BTBD6: variants seen among roughly 807,000 people sequenced by gnomAD.
BTBD6 encodes the protein BTB/POZ domain-containing protein 6.
BTBD6 carries 30 observed loss-of-function variants against 40.6 expected under a neutral mutation model. The observed-to-expected ratio is 0.74, with a 90% confidence interval of 0.55 to 1.00. The LOEUF (loss-of-function observed/expected upper bound fraction) is 1.00. Among genes scored for constraint, BTBD6 ranks in the 50% least tolerant of loss-of-function variants. The probability of loss-of-function intolerance (pLI) is 0.00; values close to 1 mark genes in which losing one functional copy is unlikely to be tolerated. For synonymous variants in BTBD6, 378 were observed against 308.7 expected, an observed-to-expected ratio of 1.22 and a Z score of -2.35; for missense variants, 698 against 694.6, an observed-to-expected ratio of 1.00 and a Z score of -0.06.
chr14:105,248,973 CCCAGCGCCCCCGCG>C lies in BTBD6; in HGVS notation c.271_284del (p.Pro91AlafsTer84). 2.0e-6 allele frequency: 2 copies of C among 982,912 alleles called. No homozygotes were observed. Among genetic ancestry groups the C allele is most frequent in the Non-Finnish European group, 2.4e-6 (2 of 829,448 alleles). 60.9% of individuals were successfully genotyped at this position (982,912 alleles called of 1,614,324 possible). On this transcript the variant is annotated frameshift_variant, in exon 1 of 4. Transcript: ENST00000392554. LOFTEE classifies it high-confidence loss of function. ...CAGGAAGGCCGGGCCGCGCAGCCCG[CCCAGCGCCCCCGCG>C]CCAGCGCCGCCGCCGCCCGCGCCCG...
In BTBD6 at chr14:105,250,509, C is replaced by G. The variant is rs1212627762; in HGVS notation, c.1454C>G (p.Ala485Gly). The G allele has an allele frequency of 6.2e-7, 1 of 1,613,954 alleles. No individual in the cohort carries two copies. Among genetic ancestry groups the G allele is most frequent in the Non-Finnish European group, 8.5e-7 (1 of 1,180,044 alleles). The change falls in exon 4 of 4, where the codon GCC becomes GGC. Residue 485 changes from alanine to glycine, a missense_variant. Coordinates refer to ENST00000392554, the MANE Select transcript of BTBD6 (RefSeq NM_001387567.1). ...GTTGAACAAGACACCTTCTACACGG[C>G]CAGTGCCGTCCTGGACGGCAGCGAA... The part of the protein sequence containing the change: ...VQVEQDTFYT[A>G]SAVLDGSELS...
In BTBD6 at chr14:105,251,029, T is replaced by C; in HGVS notation, c.*357T>C. 3.9e-6 allele frequency: 1 copy of C among 254,314 alleles called. No homozygotes were observed. Among genetic ancestry groups the C allele is most frequent in the African/African-American group, 2.2e-5 (1 of 44,960 alleles). The allele number at this position is 254,314 out of a possible 1,614,324, so 15.8% of individuals were successfully genotyped here. ...CTTAACTTGAGACCTTCCCTTCAAA[T>C]CTAAAATTGGCAAAAAGTCACTTAA... On this transcript the variant is annotated 3_prime_UTR_variant, in exon 4 of 4. Coordinates refer to ENST00000392554, the MANE Select transcript of BTBD6 (RefSeq NM_001387567.1).
Position 105,250,633 on chromosome 14 carries a change from C to T in BTBD6, c.1578C>T (p.Val526=), listed in dbSNP as rs1566836939. The stretch of plus-strand genomic sequence containing the variant: ...CGGACAGCACCAACGGGACTGGGGT[C>T]CAGGGTGGGCAGATCCCTGAGCTCA... ...CSSDSTNGTG[V]QGGQIPELIF... Residue 526 remains valine (V), a synonymous_variant, in exon 4 of 4, where the codon GTC becomes GTT. Transcript: ENST00000392554. 1.2e-6 allele frequency: 2 copies of T among 1,613,124 alleles called. No individual in the cohort carries two copies. The highest frequency in any genetic ancestry group is 1.7e-6 in the Non-Finnish European group (2 of 1,179,676).
Position 105,250,311 on chromosome 14 carries a change from G to C in BTBD6, c.1256G>C (p.Arg419Thr), listed in dbSNP as rs368571131. The C allele has an allele frequency of 1.2e-6, 2 of 1,613,282 alleles. No homozygotes were observed. The highest frequency in any genetic ancestry group is 1.7e-6 in the Non-Finnish European group (2 of 1,180,044). The change falls in exon 4 of 4, where the codon AGA becomes ACA. Residue 419 changes from arginine (R) to threonine (T), a missense_variant. By Grantham distance (71) the Arg-to-Thr change is moderately conservative. Coordinates refer to ENST00000392554, the MANE Select transcript of BTBD6 (RefSeq NM_001387567.1). The stretch of plus-strand genomic sequence containing the variant: ...GACAGCATCCAGTTTGCAGTGGACA[G>C]AAGGGTATTTATTGCAGGGCTGGGC... ...RCDSIQFAVDRRVFIAGLGLY... is the reference protein window; with the variant it reads ...RCDSIQFAVDTRVFIAGLGLY...
At position 105,248,700 on chromosome 14, in the gene BTBD6, C is replaced by A. The variant is rs2055337651; in HGVS notation, c.-12C>A. ...GGTGGCAGCCCCGCGGGTCACAGCG[C>A]CGCCGCCGCCCATGCTGCTGCCCCT... On this transcript the variant is annotated 5_prime_UTR_variant, in exon 1 of 4. Transcript: ENST00000392554. 1.0e-6 allele frequency: 1 copy of A among 982,258 alleles called. No homozygotes were observed. Among genetic ancestry groups the A allele is most frequent in the Non-Finnish European group, 1.2e-6 (1 of 829,214 alleles). 60.8% of individuals were successfully genotyped at this position (982,258 alleles called of 1,614,324 possible).
rs1290360236 is a variant in BTBD6, at chr14:105,248,657, G to A, written c.-55G>A. 4 of 980,834 alleles carry A rather than the reference G, an allele frequency of 4.1e-6. No individual in the cohort carries two copies. The highest frequency in any genetic ancestry group is 5.2e-4 in the Middle Eastern group (1 of 1,938). The allele number at this position is 980,834 out of a possible 1,614,324, so 60.8% of individuals were successfully genotyped here. A position where few individuals can be genotyped will look rare whatever the true frequency, so the allele number is the denominator to read the frequency against. ...TGGGCTCGGGCAGGGTCGCAGGGGC[G>A]GGGGTGGCAGGGGAGCGGGTGGCAG... On this transcript the variant is annotated 5_prime_UTR_variant, in exon 1 of 4. Coordinates refer to ENST00000392554, the MANE Select transcript of BTBD6 (RefSeq NM_001387567.1).
chr14:105,249,128 GC>G, intron 1 of BTBD6, 28 bp from the exon 2 acceptor site: 1 of 1,525,086 alleles, frequency 6.6e-7, no homozygotes, highest in East Asian at 2.6e-5. Flanking sequence ...GCGCGCCCAC[GC>G]CCCCAGCCCG....
In BTBD6 at chr14:105,249,693, T is replaced by C. The variant is rs1394175471; in HGVS notation, c.638T>C (p.Leu213Pro). The C allele has an allele frequency of 6.2e-7, 1 of 1,613,624 alleles. No homozygotes were observed. Among genetic ancestry groups the C allele is most frequent in the East Asian group, 2.2e-5 (1 of 44,898 alleles). Reference sequence around the variant, plus strand: ...GAAGCCGACACGGTGCTGGCCACTCTGTACGCTGCTAAGAAGTACATCGTC... The same window carrying C: ...GAAGCCGACACGGTGCTGGCCACTCCGTACGCTGCTAAGAAGTACATCGTC... ...DLEADTVLAT[L>P]YAAKKYIVPA... The change falls in exon 4 of 4, where the codon CTG (leucine) becomes CCG (proline). Residue 213 changes from leucine (L) to proline (P), a missense_variant. Transcript: ENST00000392554.
At chr14:105,249,338 C>T (rs749164587) in intron 2 of BTBD6, 22 bp from the exon 3 acceptor site, 21 of 1,603,390 alleles carry the variant, frequency 1.3e-5, no homozygotes, top group Non-Finnish European at 1.6e-5. Flanking sequence ...GCCAGGCTCA[C>T]GGCGGCGCTT....
In BTBD6 at chr14:105,250,781, CAT is replaced by C; in HGVS notation, c.*110_*111del. 8.5e-7 allele frequency: 1 copy of C among 1,178,302 alleles called. No individual in the cohort carries two copies. The highest frequency in any genetic ancestry group is 1.2e-6 in the Non-Finnish European group (1 of 842,016). The allele number at this position is 1,178,302 out of a possible 1,614,324, so 73.0% of individuals were successfully genotyped here. ...TGCTCTTAACTTTGTCTCTCTTTGA[CAT>C]GTAGTCAGCTGAAGCTTGACTGTGT... On this transcript the variant is annotated 3_prime_UTR_variant, in exon 4 of 4. Transcript: ENST00000392554.
Position 105,248,945 on chromosome 14 carries a change from G to C in BTBD6, c.234G>C (p.Val78=), listed in dbSNP as rs1286243917. The C allele has an allele frequency of 4.4e-5, 43 of 983,828 alleles. No homozygotes were observed. The highest frequency in any genetic ancestry group is 5.1e-5 in the Non-Finnish European group (42 of 830,550). 60.9% of individuals were successfully genotyped at this position (983,828 alleles called of 1,614,324 possible). ...DLANSNAGAA[V]GRKAGPRSPP... ...CCAACAGCAACGCCGGCGCCGCCGTGGGCAGGAAGGCCGGGCCGCGCAGCC... is the reference window on the plus strand; with the variant it reads ...CCAACAGCAACGCCGGCGCCGCCGTCGGCAGGAAGGCCGGGCCGCGCAGCC... Residue 78 remains valine (V), a synonymous_variant, in exon 1 of 4, where the codon GTG becomes GTC. Coordinates refer to ENST00000392554, the MANE Select transcript of BTBD6 (RefSeq NM_001387567.1).
In BTBD6 at chr14:105,250,013, A is replaced by G; in HGVS notation, c.958A>G (p.Ile320Val). 1 of 1,612,886 alleles carries G rather than the reference A, an allele frequency of 6.2e-7. No homozygotes were observed. The highest frequency in any genetic ancestry group is 2.2e-5 in the East Asian group (1 of 44,884). Residue 320 changes from isoleucine (I) to valine (V), a missense_variant, in exon 4 of 4, where the codon ATC becomes GTC. Ile to Val is a conservative substitution (Grantham distance 29, BLOSUM62 3). Transcript: ENST00000392554. Reference sequence around the variant, plus strand: ...GGAGTGCAAGAGGCAGGGGCTGCCAATCACCCCACGAAACAAGAGGCATGT... The same window carrying G: ...GGAGTGCAAGAGGCAGGGGCTGCCAGTCACCCCACGAAACAAGAGGCATGT... The part of the protein sequence containing the change: ...EAECKRQGLP[I>V]TPRNKRHVLG...
Position 105,250,178 on chromosome 14 carries a change from C to T in BTBD6, c.1123C>T (p.Arg375Cys), listed in dbSNP as rs140025030. The change falls in exon 4 of 4, where the codon CGC becomes TGC. Residue 375 changes from arginine (R) to cysteine (C), a missense_variant. Transcript: ENST00000392554. ...FLWYTATNKPRLDFPLTKRKG... is the reference protein window; with the variant it reads ...FLWYTATNKPCLDFPLTKRKG... ...GTGGTACACGGCCACCAACAAGCCCCGCCTGGACTTTCCCCTGACCAAGAG... is the reference window on the plus strand; with the variant it reads ...GTGGTACACGGCCACCAACAAGCCCTGCCTGGACTTTCCCCTGACCAAGAG... 1.2e-5 allele frequency: 20 copies of T among 1,612,900 alleles called. No homozygotes were observed. The highest frequency in any genetic ancestry group is 5.3e-5 in the African/African-American group (4 of 74,936).
At position 105,248,847 on chromosome 14, in the gene BTBD6, GC is replaced by G; in HGVS notation, c.141del (p.Ala48ProfsTer22). 4.0e-6 allele frequency: 4 copies of G among 990,400 alleles called. No individual in the cohort carries two copies. Among genetic ancestry groups the G allele is most frequent in the Non-Finnish European group, 2.4e-6 (2 of 834,544 alleles). 61.4% of individuals were successfully genotyped at this position (990,400 alleles called of 1,614,324 possible). ...CGCGGCGTCCACAGGCGCCGAGGCTGCCCCCGCCGCCCCGCCCGCGAAGATG... is the reference window on the plus strand; with the variant it reads ...CGCGGCGTCCACAGGCGCCGAGGCTGCCCCGCCGCCCCGCCCGCGAAGATG... Reference protein sequence around the residue: ...RGAASTGAEAAPAAPPAKMAA... With the variant: ...RGAASTGAEAXPAAPPAKMAA... On this transcript the variant is annotated frameshift_variant, in exon 1 of 4. Transcript: ENST00000392554. LOFTEE classifies it high-confidence loss of function.
chr14:105,250,004 G>A lies in BTBD6; in HGVS notation c.949G>A (p.Gly317Arg). ...NWAEAECKRQGLPITPRNKRH... is the reference protein window; with the variant it reads ...NWAEAECKRQRLPITPRNKRH... ...GGCCGAGGCGGAGTGCAAGAGGCAG[G>A]GGCTGCCAATCACCCCACGAAACAA... Residue 317 changes from glycine to arginine, a missense_variant, in exon 4 of 4, where the codon GGG (glycine) becomes AGG (arginine). Gly to Arg is a moderately radical substitution (Grantham distance 125). Transcript: ENST00000392554. 1 of 1,612,836 alleles carries A rather than the reference G, an allele frequency of 6.2e-7. No homozygotes were observed. Among genetic ancestry groups the A allele is most frequent in the Non-Finnish European group, 8.5e-7 (1 of 1,180,036 alleles).
rs759463644 is a variant in BTBD6 at position 105,249,353 on chromosome 14, C to G, written c.466-7C>G. 1 of 1,609,334 alleles carries G rather than the reference C, an allele frequency of 6.2e-7. No homozygotes were observed. The highest frequency in any genetic ancestry group is 8.5e-7 in the Non-Finnish European group (1 of 1,178,374). Reference sequence around the variant, plus strand: ...GCCAGGCTCACGGCGGCGCTTTCTCCTCCCAGTACGTCTTGGCTGTCGGCA... The same window carrying G: ...GCCAGGCTCACGGCGGCGCTTTCTCGTCCCAGTACGTCTTGGCTGTCGGCA... On this transcript the variant is annotated splice_region_variant and splice_polypyrimidine_tract_variant and intron_variant, in intron 2 of 3. Coordinates refer to ENST00000392554, the MANE Select transcript of BTBD6 (RefSeq NM_001387567.1).
rs1461651451 is a variant in BTBD6 at position 105,248,557 on chromosome 14, G to GCGGGTACGGGTA, written c.-145_-144insTACGGGTACGGG. 8 of 920,566 alleles carry GCGGGTACGGGTA rather than the reference G, an allele frequency of 8.7e-6. No individual in the cohort carries two copies. Among genetic ancestry groups the GCGGGTACGGGTA allele is most frequent in the East Asian group, 1.4e-4 (1 of 7,088 alleles). The allele number at this position is 920,566 out of a possible 1,614,324, so 57.0% of individuals were successfully genotyped here. A position where few individuals can be genotyped will look rare whatever the true frequency, so the allele number is the denominator to read the frequency against. On this transcript the variant is annotated 5_prime_UTR_variant, in exon 1 of 4. Coordinates refer to ENST00000392554, the MANE Select transcript of BTBD6 (RefSeq NM_001387567.1). Reference sequence around the variant, plus strand: ...CGCAGCGTGACGCACCGGCGCCGCGGCGGGTACGGGCTCGGGCGGGCGGGC... The same window carrying GCGGGTACGGGTA: ...CGCAGCGTGACGCACCGGCGCCGCGGCGGGTACGGGTACGGGTACGGGCTCGGGCGGGCGGGC...
At position 105,248,545 on chromosome 14, in the gene BTBD6, AC is replaced by A. The variant is rs1323957812; in HGVS notation, c.-165del. 5.1e-5 allele frequency: 33 copies of A among 646,016 alleles called. No individual in the cohort carries two copies. The highest frequency in any genetic ancestry group is 2.8e-5 in the Non-Finnish European group (15 of 543,986). 40.0% of individuals were successfully genotyped at this position (646,016 alleles called of 1,614,324 possible). On this transcript the variant is annotated 5_prime_UTR_variant, in exon 1 of 4. Coordinates refer to ENST00000392554, the MANE Select transcript of BTBD6 (RefSeq NM_001387567.1). ...GCGCGGCCCTGACGCAGCGTGACGC[AC>A]CGGCGCCGCGGCGGGTACGGGCTCG...
In BTBD6 at chr14:105,250,438, C is replaced by G; in HGVS notation, c.1383C>G (p.Asp461Glu). 6.2e-7 allele frequency: 1 copy of G among 1,613,970 alleles called. No individual in the cohort carries two copies. Among genetic ancestry groups the G allele is most frequent in the Non-Finnish European group, 8.5e-7 (1 of 1,180,032 alleles). ...AGAACTTGACCAAGTTCATGTCAGA[C>G]GGATCCAGTAACACCTTCCCGGTCT... Reference protein sequence around the residue: ...LAQNLTKFMSDGSSNTFPVWF... With the variant: ...LAQNLTKFMSEGSSNTFPVWF... Residue 461 changes from aspartate (D) to glutamate (E), a missense_variant, in exon 4 of 4, where the codon GAC (aspartate) becomes GAG (glutamate). Physicochemically the swap from Asp to Glu is conservative, Grantham distance 45. Coordinates refer to ENST00000392554, the MANE Select transcript of BTBD6 (RefSeq NM_001387567.1).
Sources: allele counts gnomAD v4.1 joint callset, GRCh38; gene constraint gnomAD v4.1.1; transcripts MANE v1.5; gene names NCBI Gene and HGNC (gene_info 2026-07-23, HGNC 2026-07-21).